Variants in CTNNA3 observed in about 807,000 individuals in gnomAD.
The protein encoded by CTNNA3 is catenin alpha-3.
A neutral mutation model predicts 95.7 loss-of-function variants in CTNNA3; 76 were observed. That is an observed-to-expected ratio of 0.79 (90% CI 0.66 to 0.96). The LOEUF is 0.96. Among genes scored for constraint, CTNNA3 ranks in the 40% least tolerant of loss-of-function variants. The pLI, the probability that CTNNA3 is intolerant of heterozygous loss-of-function variation, is 0.00. For missense variants in CTNNA3, 1,191 were observed against 1,089.8 expected, an observed-to-expected ratio of 1.09 and a Z score of -1.31; for synonymous variants, 431 against 374.4, an observed-to-expected ratio of 1.15 and a Z score of -1.74.
chr10:66,082,528 A>G (rs1259300428), intron 14 of CTNNA3, among the ~76,000 whole-genome samples: 1 of 152,148 alleles, frequency 6.6e-6, no homozygotes, highest in African/African-American at 2.4e-5. Flanking sequence ...GAACAGAAAA[A>G]GAATATAGGT....
intron 11 of CTNNA3, among the ~76,000 whole-genome samples, chr10:66,388,763 T>C (rs2092913188): frequency 6.6e-6 from 1 of 152,134 alleles, no homozygotes; most frequent in Non-Finnish European, 1.5e-5. Flanking sequence ...AAATGATCTT[T>C]GAAATTACTA....
chr10:67,107,576 C>A (rs1375984872), intron 7 of CTNNA3, among the ~76,000 whole-genome samples: 1 of 152,026 alleles, frequency 6.6e-6, no homozygotes, highest in Non-Finnish European at 1.5e-5. Context: ...TCTTTTCAAC[C>A]TTTTTAGTCT....
intron 1 of CTNNA3, among the ~76,000 whole-genome samples, chr10:67,692,824 C>T (rs979854944): frequency 6.7e-6 from 1 of 150,304 alleles, no homozygotes; most frequent in Non-Finnish European, 1.5e-5. Context: ...TATCTCGTTT[C>T]ATAGATTAGT....
intron 3 of CTNNA3, among the ~76,000 whole-genome samples, chr10:67,604,609 T>C (rs1273692207): frequency 3.9e-5 from 6 of 152,180 alleles, no homozygotes; most frequent in Non-Finnish European, 7.3e-5. Flanking sequence ...AAAAAATTCA[T>C]TGAACCTGAC....
intron 5 of CTNNA3, among the ~76,000 whole-genome samples, chr10:67,318,040 T>C (rs1239540315): frequency 6.6e-6 from 1 of 151,652 alleles, no homozygotes; most frequent in African/African-American, 2.4e-5. Context: ...TAAGGAGGGA[T>C]AGATGTGAGG....
intron 13 of CTNNA3, among the ~76,000 whole-genome samples, chr10:66,248,474 A>G (rs1790445357): frequency 6.6e-6 from 1 of 152,066 alleles, no homozygotes; most frequent in Non-Finnish European, 1.5e-5. Flanking sequence ...TAAAAAACCC[A>G]CAATGATCTG....
chr10:66,944,949 A>T (rs1848205407), intron 7 of CTNNA3, among the ~76,000 whole-genome samples: 1 of 152,136 alleles, frequency 6.6e-6, no homozygotes, highest in Admixed American at 6.5e-5. Flanking sequence ...CATGCTATAA[A>T]CACATGTGCT....
At chr10:66,024,225 G>C (rs1397325395) in intron 15 of CTNNA3, among the ~76,000 whole-genome samples, 2 of 151,726 alleles carry the variant, frequency 1.3e-5, no homozygotes, top group Admixed American at 1.3e-4. Flanking sequence ...AAGTAGCTGG[G>C]ACTACAGGCG....
At chr10:67,568,497 A>G (rs1037407314) in intron 3 of CTNNA3, among the ~76,000 whole-genome samples, 2 of 151,732 alleles carry the variant, frequency 1.3e-5, no homozygotes, top group African/African-American at 4.8e-5. Context: ...AGTACAGTAC[A>G]TATTTCCTTG....
At chr10:66,282,039 C>G (rs2091502007) in intron 12 of CTNNA3, among the ~76,000 whole-genome samples, 1 of 151,844 alleles carries the variant, frequency 6.6e-6, no homozygotes, top group African/African-American at 2.4e-5. Flanking sequence ...ATTTCAACTG[C>G]TTAACACATA....
chr10:65,998,969 T>C lies in CTNNA3; in HGVS notation c.2160-10172A>G, dbSNP rs2078718364. ...CCATGGTGCTTCTCAAAATCATTATTAGCAAGTTTCCCTGTAAAAATGAAA... is the reference window on the plus strand; with the variant it reads ...CCATGGTGCTTCTCAAAATCATTATCAGCAAGTTTCCCTGTAAAAATGAAA... On this transcript the variant is annotated intron_variant, in intron 15 of 17. Transcript: ENST00000433211. Among the ~76,000 whole-genome samples, 3 of 152,132 alleles carry C rather than the reference T, an allele frequency of 2.0e-5. No individual in the cohort carries two copies. In the South Asian group the frequency reaches 6.2e-4, roughly 32 times the overall value.
intron 3 of CTNNA3, among the ~76,000 whole-genome samples, chr10:67,595,187 G>GTT (rs1159085850): frequency 6.6e-6 from 1 of 152,092 alleles, no homozygotes; most frequent in Non-Finnish European, 1.5e-5. Context: ...CTTTGAGGTT[G>GTT]TTTTTCTCTT....
intron 5 of CTNNA3, among the ~76,000 whole-genome samples, chr10:67,278,072 A>G (rs977342825): frequency 6.6e-6 from 1 of 152,086 alleles, no homozygotes; most frequent in African/African-American, 2.4e-5. Context: ...TTTCTTGCAC[A>G]AGGTCCAAGA....
At chr10:66,652,972 A>T (rs1432010105) in intron 9 of CTNNA3, among the ~76,000 whole-genome samples, 5 of 152,164 alleles carry the variant, frequency 3.3e-5, no homozygotes, top group Non-Finnish European at 7.4e-5. Flanking sequence ...AATTAGATAT[A>T]CAAGGAACAT....
intron 14 of CTNNA3, among the ~76,000 whole-genome samples, chr10:66,070,698 A>T (rs564334679): frequency 6.6e-6 from 1 of 152,276 alleles, no homozygotes; most frequent in East Asian, 1.9e-4. Flanking sequence ...ACCTTGAGGA[A>T]GTTACCTAAC....
chr10:67,158,216 C>T lies in CTNNA3; in HGVS notation c.1047+22101G>A, dbSNP rs535205566. Among the ~76,000 whole-genome samples, 42 of 151,630 alleles carry T rather than the reference C, an allele frequency of 2.8e-4. 1 individual carries two copies. Among genetic ancestry groups the T allele is most frequent in the African/African-American group, 8.7e-4 (36 of 41,320 alleles). On this transcript the variant is annotated intron_variant, in intron 7 of 17. Coordinates refer to ENST00000433211, the MANE Select transcript of CTNNA3 (RefSeq NM_013266.4). ...CTGGCTTCCCTGTCTATGCTTCCCG[C>T]GAAAAATGAAGCATAGCCATAGGTA...
intron 7 of CTNNA3, among the ~76,000 whole-genome samples, chr10:66,995,158 C>G (rs747518662): frequency 6.6e-6 from 1 of 152,190 alleles, no homozygotes; most frequent in Non-Finnish European, 1.5e-5. Context: ...ATTCCATAAT[C>G]TCAAACATAA....
At chr10:66,513,025 C>T (rs1220199423) in intron 11 of CTNNA3, among the ~76,000 whole-genome samples, 4 of 151,936 alleles carry the variant, frequency 2.6e-5, no homozygotes, top group Non-Finnish European at 5.9e-5. Flanking sequence ...ATTTGAGCTC[C>T]CTATATCTAG....
intron 7 of CTNNA3, among the ~76,000 whole-genome samples, chr10:67,103,437 T>C (rs953793795): frequency 1.3e-5 from 2 of 151,774 alleles, no homozygotes; most frequent in Non-Finnish European, 3.0e-5. Flanking sequence ...TACTTGTTAG[T>C]TGCACCCATG....
Sources: allele counts gnomAD v4.1 joint callset (sites outside exome capture counted in the v4.1 genomes callset), GRCh38; gene constraint gnomAD v4.1.1; transcripts MANE v1.5; gene names NCBI Gene and HGNC (gene_info 2026-07-23, HGNC 2026-07-21).